TBCA: variants seen among roughly 807,000 people sequenced by gnomAD.
TBCA encodes the protein tubulin folding cofactor A.
Under a neutral mutation model 15.8 loss-of-function variants are expected in TBCA, and 6 were observed. The observed-to-expected ratio is 0.38, with a 90% CI of 0.21 to 0.75. The LOEUF is 0.75. Among genes scored for constraint, TBCA ranks in the 30% least tolerant of loss-of-function variants. TBCA has a pLI of 0.46. For synonymous variants in TBCA, 32 were observed against 42.3 expected, an observed-to-expected ratio of 0.76 and a Z score of 0.94; for missense variants, 90 against 131.2, an observed-to-expected ratio of 0.69 and a Z score of 1.53.
chr5:77,696,874 G>A (rs906864383), intron 2 of TBCA, among the ~76,000 whole-genome samples: 3 of 152,270 alleles, frequency 2.0e-5, no homozygotes, highest in East Asian at 1.9e-4. Flanking sequence ...AGCTATGATC[G>A]TGACAATGTA....
intron 1 of TBCA, among the ~76,000 whole-genome samples, chr5:77,747,754 T>C (rs530772870): frequency 6.6e-6 from 1 of 152,294 alleles, no homozygotes; most frequent in Non-Finnish European, 1.5e-5. Flanking sequence ...GATAGATACT[T>C]TGGCAATAGT....
rs185208417 is a variant in TBCA, at chr5:77,774,558, T to C, written c.53+1647A>G. 1.1e-4 allele frequency among the ~76,000 whole-genome samples: 16 copies of C among 152,312 alleles called. 1 individual carries two copies. In the East Asian group the frequency reaches 3.1e-3, roughly 29 times the overall value. The stretch of plus-strand genomic sequence containing the variant: ...TAAACTCTTTCAACGAACTGCCAAT[T>C]GGAAAACCTCCTATAACTTGGAACT... On this transcript the variant is annotated intron_variant, in intron 1 of 3. Transcript: ENST00000380377.
At chr5:77,767,622 A>G (rs920346401) in intron 1 of TBCA, among the ~76,000 whole-genome samples, 1 of 152,256 alleles carries the variant, frequency 6.6e-6, no homozygotes, top group African/African-American at 2.4e-5. Flanking sequence ...GATGATCATT[A>G]CAAAGTCTTA....
intron 1 of TBCA, among the ~76,000 whole-genome samples, chr5:77,713,847 G>A (rs1480854950): frequency 6.6e-6 from 1 of 151,494 alleles, no homozygotes; most frequent in Non-Finnish European, 1.5e-5. Context: ...AAATCTGATA[G>A]GTTCATTATA....
rs550988476 is a variant in TBCA, at chr5:77,765,918, T to C, written c.53+10287A>G. 2.7e-5 allele frequency among the ~76,000 whole-genome samples: 4 copies of C among 148,824 alleles called. No individual in the cohort carries two copies. In the East Asian group the frequency reaches 6.0e-4, roughly 22 times the overall value. On this transcript the variant is annotated intron_variant, in intron 1 of 3. Transcript: ENST00000380377. ...AAAAAAAAGAAAACTAAACTACATA[T>C]CCATTAAAATGAGAATAAAAACATA...
intron 1 of TBCA, among the ~76,000 whole-genome samples, chr5:77,720,434 C>T (rs1031917692): frequency 6.6e-6 from 1 of 152,164 alleles, no homozygotes; most frequent in Non-Finnish European, 1.5e-5. Flanking sequence ...GCCAAGTCGG[C>T]CAGGCGCGGT....
intron 1 of TBCA, among the ~76,000 whole-genome samples, chr5:77,724,825 T>G (rs1212146973): frequency 6.6e-5 from 10 of 152,140 alleles, no homozygotes; most frequent in Admixed American, 4.6e-4. Context: ...TACACTAGAG[T>G]GTACATTTCT....
chr5:77,691,855 C>A (rs1745757651), intron 3 of TBCA: 1 of 1,005,050 alleles, frequency 9.9e-7, no homozygotes, highest in Admixed American at 5.9e-5. Flanking sequence ...GGAAGATTTA[C>A]TAACATGTTA....
intron 1 of TBCA, among the ~76,000 whole-genome samples, chr5:77,756,266 A>G (rs1747475417): frequency 6.6e-6 from 1 of 152,118 alleles, no homozygotes. Context: ...AGAGGGCTCA[A>G]AGTGCAGAGT....
chr5:77,709,319 C>T (rs902948902), intron 1 of TBCA, among the ~76,000 whole-genome samples: 5 of 152,114 alleles, frequency 3.3e-5, no homozygotes, highest in Admixed American at 2.6e-4. Flanking sequence ...ATAAGAAATA[C>T]TGCAATACAA....
chr5:77,736,748 A>G (rs966583632), intron 1 of TBCA, among the ~76,000 whole-genome samples: 2 of 152,194 alleles, frequency 1.3e-5, no homozygotes, highest in African/African-American at 4.8e-5. Flanking sequence ...GTCTTCCTCA[A>G]CTCACCAATC....
chr5:77,697,633 A>G (rs1745901667), intron 2 of TBCA, among the ~76,000 whole-genome samples: 1 of 152,166 alleles, frequency 6.6e-6, no homozygotes, highest in Non-Finnish European at 1.5e-5. Context: ...GGAAATTTAC[A>G]GCACTAAATG....
In TBCA at chr5:77,744,718, T is replaced by C. The variant is rs1481342829; in HGVS notation, c.53+31487A>G. ...GCACGGCTAATTTTTGTATTTTTAG[T>C]AGAGACGGGGTTTCACCATGTTGGC... On this transcript the variant is annotated intron_variant, in intron 1 of 3. Transcript: ENST00000380377. Among the ~76,000 whole-genome samples, 4 of 151,944 alleles carry C rather than the reference T, an allele frequency of 2.6e-5. No individual in the cohort carries two copies. The East Asian group carries it at 7.7e-4, about 29-fold the overall frequency.
At chr5:77,723,261 T>C (rs955523513) in intron 1 of TBCA, among the ~76,000 whole-genome samples, 1 of 151,894 alleles carries the variant, frequency 6.6e-6, no homozygotes, top group Non-Finnish European at 1.5e-5. Context: ...TCTTATAAAG[T>C]ATTACAATTT....
rs753760408 is a variant in TBCA at position 77,708,355 on chromosome 5, A to C, written c.54-8T>G. 13 of 1,577,816 alleles carry C rather than the reference A, an allele frequency of 8.2e-6. No homozygotes were observed. The African/African-American group carries it at 1.6e-4, about 20-fold the overall frequency. The stretch of plus-strand genomic sequence containing the variant: ...ACTTTTTCTTTGACCAACCTATAAA[A>C]AAGCCAAAAATGTTTTAGAAAATTA... On this transcript the variant is annotated splice_region_variant and splice_polypyrimidine_tract_variant and intron_variant, in intron 1 of 3. Transcript: ENST00000380377.
At chr5:77,700,046 A>AAAAG (rs1208689617) in intron 2 of TBCA, among the ~76,000 whole-genome samples, 1 of 146,078 alleles carries the variant, frequency 6.8e-6, no homozygotes, top group Non-Finnish European at 1.5e-5. Flanking sequence ...AAAAAAAAAA[A>AAAAG]AAAAGAAAAT....
At chr5:77,757,789 T>C (rs1747510391) in intron 1 of TBCA, among the ~76,000 whole-genome samples, 1 of 152,216 alleles carries the variant, frequency 6.6e-6, no homozygotes. Context: ...GCCCGTGACA[T>C]AGCCTCAGGA....
chr5:77,737,590 T>A (rs539277432), intron 1 of TBCA, among the ~76,000 whole-genome samples: 1 of 152,186 alleles, frequency 6.6e-6, no homozygotes, highest in South Asian at 2.1e-4. Flanking sequence ...GGTTCATCGT[T>A]TTATAAAATG....
chr5:77,720,505 G>C (rs1048235732), intron 1 of TBCA, among the ~76,000 whole-genome samples: 1 of 152,046 alleles, frequency 6.6e-6, no homozygotes, highest in Non-Finnish European at 1.5e-5. Flanking sequence ...CCTGAGGTCA[G>C]GAGTTCAAGA....
Sources: allele counts gnomAD v4.1 joint callset (sites outside exome capture counted in the v4.1 genomes callset), GRCh38; gene constraint gnomAD v4.1.1; transcripts MANE v1.5; gene names NCBI Gene and HGNC (gene_info 2026-07-23, HGNC 2026-07-21).